The following LMBR1 variants were observed in gnomAD, a reference collection of about 807,000 sequenced individuals.
LMBR1 encodes the protein limb development membrane protein 1, also known as limb region 1 protein homolog.
Under a neutral mutation model 73.9 loss-of-function variants are expected in LMBR1, and 52 were observed. The ratio of observed to expected loss-of-function variants is 0.70; its 90% confidence interval spans 0.56 to 0.89. The LOEUF is 0.89. Among genes scored for constraint, LMBR1 ranks in the 40% least tolerant of loss-of-function variants. The pLI is 0.00. For synonymous variants in LMBR1, 215 were observed against 209.4 expected, an observed-to-expected ratio of 1.03 and a Z score of -0.23; for missense variants, 539 against 579.8, an observed-to-expected ratio of 0.93 and a Z score of 0.72.
chr7:156,810,605 C>G (rs34767325), intron 4 of LMBR1, among the ~76,000 whole-genome samples: 9 of 151,602 alleles, frequency 5.9e-5, no homozygotes, highest in African/African-American at 2.2e-4. Context: ...GTTGGCCAGG[C>G]TGGTCTCAAA....
At chr7:156,808,908 A>G (rs1346019588) in intron 4 of LMBR1, among the ~76,000 whole-genome samples, 2 of 152,218 alleles carry the variant, frequency 1.3e-5, no homozygotes, top group African/African-American at 4.8e-5. Context: ...CACGTAGAGC[A>G]TGAGAACTTC....
intron 9 of LMBR1, among the ~76,000 whole-genome samples, chr7:156,753,028 G>C (rs767897728): frequency 9.9e-5 from 15 of 152,170 alleles, no homozygotes; most frequent in Admixed American, 6.6e-5. Context: ...CTGAGGAATT[G>C]TAGGAAATGG....
rs540366159 is a variant in LMBR1 at position 156,742,882 on chromosome 7, A to G, written c.758-8625T>C. On this transcript the variant is annotated intron_variant, in intron 9 of 16. Coordinates refer to ENST00000353442, the MANE Select transcript of LMBR1 (RefSeq NM_022458.4). The stretch of plus-strand genomic sequence containing the variant: ...ATACTAGCAAACCGAATTCAACAAC[A>G]CATTAAAAAGATCATTCATGATGAA... Among the ~76,000 whole-genome samples the G allele has an allele frequency of 1.1e-4, 17 of 152,310 alleles. No homozygotes were observed. In the East Asian group the frequency reaches 3.1e-3, roughly 28 times the overall value.
At chr7:156,797,383 A>T (rs1830227420) in intron 4 of LMBR1, among the ~76,000 whole-genome samples, 1 of 152,254 alleles carries the variant, frequency 6.6e-6, no homozygotes, top group African/African-American at 2.4e-5. Context: ...ACAAAAGTTT[A>T]TAAAATCAAG....
At chr7:156,888,333 C>CG (rs1384268334) in intron 1 of LMBR1, among the ~76,000 whole-genome samples, 43 of 148,724 alleles carry the variant, frequency 2.9e-4, no homozygotes, top group Non-Finnish European at 4.3e-4. Flanking sequence ...TGGCATGAAC[C>CG]GGGGGGGCGG....
intron 15 of LMBR1, among the ~76,000 whole-genome samples, chr7:156,696,672 G>A (rs1808353923): frequency 6.6e-6 from 1 of 152,148 alleles, no homozygotes; most frequent in Non-Finnish European, 1.5e-5. Flanking sequence ...ACAACAGCAT[G>A]GGAAAGACCT....
In LMBR1 at chr7:156,806,394, T is replaced by G. The variant is rs150442654; in HGVS notation, c.320-9902A>C. Among the ~76,000 whole-genome samples the G allele has an allele frequency of 3.9e-3, 600 of 152,248 alleles. 2 individuals are homozygous for G. The highest frequency in any genetic ancestry group is 6.5e-3 in the Non-Finnish European group (445 of 68,024). On this transcript the variant is annotated intron_variant, in intron 4 of 16. Transcript: ENST00000353442. ...TTTTATAACAGATCCCATCAGAATT[T>G]CCGCATAGAAAATATCATCTGTGAA...
At chr7:156,806,483 G>T (rs1832105122) in intron 4 of LMBR1, among the ~76,000 whole-genome samples, 1 of 150,160 alleles carries the variant, frequency 6.7e-6, no homozygotes, top group Admixed American at 6.6e-5. Flanking sequence ...CCTCCAGAAT[G>T]ATGTTACATA....
At chr7:156,722,707 T>C (rs1814840891) in intron 15 of LMBR1, among the ~76,000 whole-genome samples, 1 of 152,168 alleles carries the variant, frequency 6.6e-6, no homozygotes, top group East Asian at 1.9e-4. Flanking sequence ...AATTGTTCCA[T>C]CTTTCTTTTT....
chr7:156,728,594 G>T, intron 11 of LMBR1, 50 bp downstream of exon 11: 1 of 1,332,586 alleles, frequency 7.5e-7, no homozygotes, highest in Non-Finnish European at 1.0e-6. Context: ...AAATGCTGAA[G>T]TAAATAAAAT....
chr7:156,680,712 T>TA lies in LMBR1; in HGVS notation c.*3365dup. ...ATAACTGCACAACAGAGAAAGAAAA[T>TA]ATCCATTTCTTAATTCAACATTCAT... On this transcript the variant is annotated 3_prime_UTR_variant, in exon 17 of 17. Transcript: ENST00000353442. The TA allele has an allele frequency of 6.3e-6, 1 of 158,964 alleles. No individual in the cohort carries two copies. Among genetic ancestry groups the TA allele is most frequent in the East Asian group, 1.9e-4 (1 of 5,276 alleles). The allele number at this position is 158,964 out of a possible 1,614,324, so 9.8% of individuals were successfully genotyped here.
chr7:156,704,436 G>A (rs1412262141), intron 15 of LMBR1, among the ~76,000 whole-genome samples: 1 of 151,990 alleles, frequency 6.6e-6, no homozygotes, highest in African/African-American at 2.4e-5. Context: ...TGGTCACATA[G>A]TCAAGAAAAA....
intron 15 of LMBR1, among the ~76,000 whole-genome samples, chr7:156,697,320 G>A (rs914627975): frequency 6.6e-6 from 1 of 152,096 alleles, no homozygotes. Flanking sequence ...CACTGATAAG[G>A]GTCTGTTCAG....
At chr7:156,826,569 T>C (rs1435751540) in intron 4 of LMBR1, 36 bp downstream of exon 4, 2 of 1,278,514 alleles carry the variant, frequency 1.6e-6, no homozygotes, top group Admixed American at 6.5e-5. Flanking sequence ...AAAATTAAAA[T>C]ATTAATTGTG....
chr7:156,842,658 C>T (rs1838925461), intron 1 of LMBR1, among the ~76,000 whole-genome samples: 2 of 152,084 alleles, frequency 1.3e-5, no homozygotes, highest in African/African-American at 4.8e-5. Context: ...CTTTTAATTC[C>T]TATTCCAGAA....
intron 4 of LMBR1, among the ~76,000 whole-genome samples, chr7:156,805,171 A>C (rs1285151457): frequency 6.7e-6 from 1 of 149,156 alleles, no homozygotes; most frequent in African/African-American, 2.5e-5. Context: ...TGGACAGTCT[A>C]TTCTGCTGAT....
In LMBR1 at chr7:156,681,013, G is replaced by A. The variant is rs568825287; in HGVS notation, c.*3065C>T. ...AAATCAATTACTAGTGTGTCCAAATGTTATTTTTAAAAGTTAACATTATAC... is the reference window on the plus strand; with the variant it reads ...AAATCAATTACTAGTGTGTCCAAATATTATTTTTAAAAGTTAACATTATAC... On this transcript the variant is annotated 3_prime_UTR_variant, in exon 17 of 17. Coordinates refer to ENST00000353442, the MANE Select transcript of LMBR1 (RefSeq NM_022458.4). 23 of 365,478 alleles carry A rather than the reference G, an allele frequency of 6.3e-5. 1 individual carries two copies. The highest frequency in any genetic ancestry group is 4.9e-4 in the South Asian group (23 of 47,210). The allele number at this position is 365,478 out of a possible 1,614,324, so 22.6% of individuals were successfully genotyped here.
intron 15 of LMBR1, among the ~76,000 whole-genome samples, chr7:156,698,554 C>T (rs559195841): frequency 7.2e-5 from 11 of 152,304 alleles, no homozygotes; most frequent in Middle Eastern, 3.4e-3. Context: ...GTGCACCACA[C>T]GCTCAACACC....
intron 5 of LMBR1, among the ~76,000 whole-genome samples, chr7:156,767,224 C>T (rs762590355): frequency 2.0e-5 from 3 of 152,128 alleles, no homozygotes; most frequent in Non-Finnish European, 4.4e-5. Context: ...CTCAAACTCA[C>T]GGCTCTGCTG....
Sources: gnomAD v4.1 joint callset for allele counts (sites outside exome capture counted in the v4.1 genomes callset) on GRCh38, gnomAD v4.1.1 for gene constraint, MANE v1.5 for transcripts, NCBI Gene and HGNC (gene_info 2026-07-23, HGNC 2026-07-21) for gene names.